Variants in RCN2 observed in about 807,000 individuals in gnomAD.
RCN2 encodes reticulocalbin-2.
RCN2 carries 23 observed loss-of-function variants against 37.5 expected under a neutral mutation model. The ratio of observed to expected loss-of-function variants is 0.61; its 90% CI spans 0.44 to 0.87. The LOEUF (loss-of-function observed/expected upper bound fraction) is 0.87. Among genes scored for constraint, RCN2 ranks in the 40% least tolerant of loss-of-function variants. The probability of loss-of-function intolerance (pLI) is 0.00; values close to 1 mark genes in which losing one functional copy is unlikely to be tolerated. For missense variants in RCN2, 381 were observed against 390.4 expected, an observed-to-expected ratio of 0.98 and a Z score of 0.20; for synonymous variants, 140 against 144.6, an observed-to-expected ratio of 0.97 and a Z score of 0.23.
chr15:76,941,725 C>A, intron 3 of RCN2: 3 of 1,152,956 alleles, frequency 2.6e-6, no homozygotes, highest in Non-Finnish European at 3.5e-6. Context: ...TTCAAATGGC[C>A]GTGAAATGTG....
In RCN2 at chr15:76,948,426, A is replaced by G. The variant is rs1216154927; in HGVS notation, c.675A>G (p.Pro225=). The part of the protein sequence containing the change: ...YRWDPTANED[P]EWILVEKDRF... ...TATATTAAGCTGCAAATGAAGATCC[A>G]GAATGGATACTTGTTGAGAAAGACA... Residue 225 remains proline, a synonymous_variant, in exon 6 of 7, where the codon CCA becomes CCG. Coordinates refer to ENST00000394885, the MANE Select transcript of RCN2 (RefSeq NM_002902.3). The G allele has an allele frequency of 1.2e-6, 2 of 1,603,056 alleles. No individual in the cohort carries two copies. The highest frequency in any genetic ancestry group is 1.3e-5 in the African/African-American group (1 of 74,708).
intron 4 of RCN2, among the ~76,000 whole-genome samples, chr15:76,945,158 G>A (rs1295913225): frequency 6.6e-6 from 1 of 152,196 alleles, no homozygotes; most frequent in African/African-American, 2.4e-5. Flanking sequence ...GGAGGGAGAA[G>A]GTGAAAGACT....
At chr15:76,940,546 C>CA (rs35186261) in intron 3 of RCN2, among the ~76,000 whole-genome samples, 1 of 119,664 alleles carries the variant, frequency 8.4e-6, no homozygotes, top group Non-Finnish European at 1.7e-5. Flanking sequence ...TGAACTTCAC[C>CA]TTTTTTTTTT....
rs768143673 is a variant in RCN2, at chr15:76,943,800, G to C, written c.490G>C (p.Asp164His). The C allele has an allele frequency of 3.7e-6, 6 of 1,607,892 alleles. No homozygotes were observed. In the Admixed American group the frequency reaches 1.0e-4, roughly 27 times the overall value. Reference protein sequence around the residue: ...DKKRFEKANQDSGPGLSLEEF... With the variant: ...DKKRFEKANQHSGPGLSLEEF... ...GAAGCGATTTGAAAAAGCTAACCAG[G>C]ATTCAGGTCCCGGTTTGAGTCTTGA... Residue 164 changes from aspartate (D) to histidine (H), a missense_variant, in exon 4 of 7, where the codon GAT becomes CAT. By Grantham distance (81) the Asp-to-His change is moderately conservative. Coordinates refer to ENST00000394885, the MANE Select transcript of RCN2 (RefSeq NM_002902.3).
Position 76,932,354 on chromosome 15 carries a change from C to G in RCN2, c.145-7C>G, listed in dbSNP as rs1041297863. ...TTGGCCCTCCTGTGTGTCGCTTCCC[C>G]CTAAAGGAAGATGTGGATGAATATG... is the stretch of plus-strand genomic sequence containing the variant. On this transcript the variant is annotated splice_region_variant and splice_polypyrimidine_tract_variant and intron_variant, in intron 1 of 6. Coordinates refer to ENST00000394885, the MANE Select transcript of RCN2 (RefSeq NM_002902.3). 8 of 1,608,312 alleles carry G rather than the reference C, an allele frequency of 5.0e-6. No individual in the cohort carries two copies. In the African/African-American group the frequency reaches 8.0e-5, roughly 16 times the overall value.
Position 76,949,140 on chromosome 15 carries a change from A to G in RCN2, c.872A>G (p.Asn291Ser). Reference sequence around the variant, plus strand: ...CTCTCTGAAGAAGAGATTCTGGAAAACCCGGACTTGTTTCTCACCAGTGAA... The same window carrying G: ...CTCTCTGAAGAAGAGATTCTGGAAAGCCCGGACTTGTTTCTCACCAGTGAA... ...KKLSEEEILE[N>S]PDLFLTSEAT... is the part of the protein sequence containing the mutation. The change falls in exon 7 of 7, where the codon AAC (asparagine) becomes AGC (serine). Residue 291 changes from asparagine to serine, a missense_variant. Coordinates refer to ENST00000394885, the MANE Select transcript of RCN2 (RefSeq NM_002902.3). 1 of 1,613,190 alleles carries G rather than the reference A, an allele frequency of 6.2e-7. No homozygotes were observed. The highest frequency in any genetic ancestry group is 1.1e-5 in the South Asian group (1 of 90,952).
chr15:76,943,937 T>A (rs1359313074), intron 4 of RCN2, 66 bp downstream of exon 4: 3 of 819,672 alleles, frequency 3.7e-6, no homozygotes, highest in Non-Finnish European at 5.9e-6. Flanking sequence ...ATATTTAAAA[T>A]TTTTGTGGGT....
intron 3 of RCN2, among the ~76,000 whole-genome samples, chr15:76,938,136 G>A (rs1178368030): frequency 1.3e-5 from 2 of 152,092 alleles, no homozygotes. Flanking sequence ...ACATGCTGTT[G>A]CAAACTGTCC....
Position 76,949,175 on chromosome 15 carries a change from T to G in RCN2, c.907T>G (p.Tyr303Asp). 6.2e-7 allele frequency: 1 copy of G among 1,613,248 alleles called. No individual in the cohort carries two copies. Among genetic ancestry groups the G allele is most frequent in the South Asian group, 1.1e-5 (1 of 90,914 alleles). The change falls in exon 7 of 7, where the codon TAT (tyrosine) becomes GAT (aspartate). Residue 303 changes from tyrosine to aspartate, a missense_variant. Tyr to Asp is a radical substitution (Grantham distance 160). Transcript: ENST00000394885. ...DLFLTSEATD[Y>D]GRQLHDDYFY... ...GTTTCTCACCAGTGAAGCCACAGAT[T>G]ATGGCAGACAGCTCCATGATGACTA...
At chr15:76,946,190 T>C (rs1465736805) in intron 4 of RCN2, among the ~76,000 whole-genome samples, 4 of 152,320 alleles carry the variant, frequency 2.6e-5, no homozygotes, top group Non-Finnish European at 4.4e-5. Flanking sequence ...GCATGGTGGC[T>C]CACACCTGTA....
Position 76,954,212 on chromosome 15 carries a change from T to C in RCN2, c.*4990T>C, listed in dbSNP as rs2075339098. The C allele has an allele frequency of 6.6e-6, 1 of 152,160 alleles. No individual in the cohort carries two copies. The highest frequency in any genetic ancestry group is 1.5e-5 in the Non-Finnish European group (1 of 68,030). The allele number at this position is 152,160 out of a possible 1,614,324, so 9.4% of individuals were successfully genotyped here. On this transcript the variant is annotated 3_prime_UTR_variant, in exon 7 of 7. Transcript: ENST00000394885. ...GTGAGGATAAATGTATGCTATTGTT[T>C]CTCAAACGTTTTTGTGTTACAATAC...
At position 76,941,919 on chromosome 15, in the gene RCN2, A is replaced by T. The variant is rs150849626; in HGVS notation, c.448-1839A>T. The T allele has an allele frequency of 7.8e-4, 274 of 351,500 alleles. 4 individuals are homozygous for T. The East Asian group carries it at 0.011, about 15-fold the overall frequency. 21.8% of individuals were successfully genotyped at this position (351,500 alleles called of 1,614,324 possible). On this transcript the variant is annotated intron_variant, in intron 3 of 6. Coordinates refer to ENST00000394885, the MANE Select transcript of RCN2 (RefSeq NM_002902.3). ...AATCAAAGCACTTGGTATTTTGAAT[A>T]ATGGTTTATTCAAAAAGAACTTGAT...
In RCN2 at chr15:76,952,970, G is replaced by A. The variant is rs190028073; in HGVS notation, c.*3748G>A. On this transcript the variant is annotated 3_prime_UTR_variant, in exon 7 of 7. Coordinates refer to ENST00000394885, the MANE Select transcript of RCN2 (RefSeq NM_002902.3). ...TTTTTTGAGACGGAGTCTCACTCTT[G>A]TCATCCAGGCTGGAGTGCAGTGGTG... The A allele has an allele frequency of 2.0e-5, 3 of 150,386 alleles. No individual in the cohort carries two copies. Among genetic ancestry groups the A allele is most frequent in the Admixed American group, 6.7e-5 (1 of 14,974 alleles). The allele number at this position is 150,386 out of a possible 1,614,324, so 9.3% of individuals were successfully genotyped here.
rs1440273637 is a variant in RCN2 at position 76,948,404 on chromosome 15, A to G, written c.659-6A>G. On this transcript the variant is annotated splice_region_variant and splice_polypyrimidine_tract_variant and intron_variant, in intron 5 of 6. Transcript: ENST00000394885. ...TGTATGTATATTTGTGTTTTTTTAT[A>G]TTAAGCTGCAAATGAAGATCCAGAA... The G allele has an allele frequency of 1.9e-6, 3 of 1,579,090 alleles. No homozygotes were observed. The highest frequency in any genetic ancestry group is 1.8e-5 in the Admixed American group (1 of 56,406).
chr15:76,943,869 A>T lies in RCN2; in HGVS notation c.559A>T (p.Thr187Ser), dbSNP rs745644595. The change falls in exon 4 of 7, where the codon ACG becomes TCG. Residue 187 changes from threonine to serine, a missense_variant and splice_region_variant. Coordinates refer to ENST00000394885, the MANE Select transcript of RCN2 (RefSeq NM_002902.3). ...GCATCCTGAAGAAGTTGATTATATG[A>T]CGGTAAGAAAGAAACATTTTTAAGA... is the stretch of plus-strand genomic sequence containing the variant. ...FEHPEEVDYM[T>S]EFVIQEALEE... 4.6e-6 allele frequency: 7 copies of T among 1,533,920 alleles called. No individual in the cohort carries two copies. The highest frequency in any genetic ancestry group is 6.3e-6 in the Non-Finnish European group (7 of 1,114,780).
In RCN2 at chr15:76,949,285, G is replaced by A; in HGVS notation, c.*63G>A. On this transcript the variant is annotated 3_prime_UTR_variant, in exon 7 of 7. Coordinates refer to ENST00000394885, the MANE Select transcript of RCN2 (RefSeq NM_002902.3). Reference sequence around the variant, plus strand: ...ATAATTTGTTACCAGCTTTACTTTTGTGATAAAATATTGATGTTGTATTTT... The same window carrying A: ...ATAATTTGTTACCAGCTTTACTTTTATGATAAAATATTGATGTTGTATTTT... 8.7e-7 allele frequency: 1 copy of A among 1,155,520 alleles called. No homozygotes were observed. Among genetic ancestry groups the A allele is most frequent in the Middle Eastern group, 2.4e-4 (1 of 4,096 alleles). The allele number at this position is 1,155,520 out of a possible 1,614,324, so 71.6% of individuals were successfully genotyped here. A position where few individuals can be genotyped will look rare whatever the true frequency, so the allele number is the denominator to read the frequency against.
chr15:76,935,693 G>C lies in RCN2; in HGVS notation c.418G>C (p.Asp140His), dbSNP rs1393408839. 1.2e-6 allele frequency: 2 copies of C among 1,613,798 alleles called. No homozygotes were observed. Among genetic ancestry groups the C allele is most frequent in the Non-Finnish European group, 1.7e-6 (2 of 1,179,874 alleles). ...TGACTTTGATGAGAACACTGCTCTG[G>C]ATGATGCAGAAGAGGAGTCCTTTAG... ...VIDFDENTAL[D>H]DAEEESFRKL... Residue 140 changes from aspartate to histidine, a missense_variant, in exon 3 of 7, where the codon GAT (aspartate) becomes CAT (histidine). By Grantham distance (81) the Asp-to-His change is moderately conservative. Coordinates refer to ENST00000394885, the MANE Select transcript of RCN2 (RefSeq NM_002902.3).
chr15:76,948,447 A>G lies in RCN2; in HGVS notation c.696A>G (p.Lys232=), dbSNP rs770214433. The G allele has an allele frequency of 8.1e-6, 13 of 1,609,356 alleles. No homozygotes were observed. The South Asian group carries it at 1.4e-4, about 18-fold the overall frequency. ...ATCCAGAATGGATACTTGTTGAGAAAGACAGATTCGTGAATGATTATGACA... is the reference window on the plus strand; with the variant it reads ...ATCCAGAATGGATACTTGTTGAGAAGGACAGATTCGTGAATGATTATGACA... The part of the protein sequence containing the change: ...NEDPEWILVE[K]DRFVNDYDKD... The change falls in exon 6 of 7, where the codon AAA becomes AAG. Residue 232 remains lysine (K), a synonymous_variant. Coordinates refer to ENST00000394885, the MANE Select transcript of RCN2 (RefSeq NM_002902.3).
At chr15:76,945,098 A>C (rs960282873) in intron 4 of RCN2, among the ~76,000 whole-genome samples, 1 of 152,216 alleles carries the variant, frequency 6.6e-6, no homozygotes, top group African/African-American at 2.4e-5. Flanking sequence ...TCCCCACTTA[A>C]AATTAGGCTT....
Sources: allele counts gnomAD v4.1 joint callset (sites outside exome capture counted in the v4.1 genomes callset), GRCh38; gene constraint gnomAD v4.1.1; transcripts MANE v1.5; gene names NCBI Gene and HGNC (gene_info 2026-07-23, HGNC 2026-07-21).